Variants in TNNI3K observed in about 807,000 individuals in gnomAD.
TNNI3K encodes TNNI3 interacting kinase, also known as serine/threonine-protein kinase TNNI3K.
A neutral mutation model predicts 114.5 loss-of-function variants in TNNI3K; 140 were observed. The ratio of observed to expected loss-of-function variants is 1.22; its 90% CI spans 1.07 to 1.41. TNNI3K has a LOEUF of 1.41. Among genes scored for constraint, TNNI3K ranks in the 40% most tolerant of loss-of-function variants. TNNI3K has a pLI of 0.00. For missense variants in TNNI3K, 1,125 were observed against 1,007.6 expected (o/e 1.12, Z -1.58); for synonymous variants, 347 against 347.5 (o/e 1.00, Z 0.02).
At chr1:74,410,174 T>C (rs982958581) in intron 17 of TNNI3K, among the ~76,000 whole-genome samples, 1 of 152,206 alleles carries the variant, frequency 6.6e-6, no homozygotes, top group Non-Finnish European at 1.5e-5. Context: ...GGACCCAGGC[T>C]GTTAACCACA....
intron 17 of TNNI3K, among the ~76,000 whole-genome samples, chr1:74,379,924 A>G (rs1663112406): frequency 6.6e-6 from 1 of 152,106 alleles, no homozygotes; most frequent in Non-Finnish European, 1.5e-5. Context: ...ATTAGGTCTC[A>G]TTTAATTTTG....
chr1:74,391,794 GA>G (rs1424129730), intron 17 of TNNI3K, among the ~76,000 whole-genome samples: 1 of 152,040 alleles, frequency 6.6e-6, no homozygotes, highest in Non-Finnish European at 1.5e-5. Flanking sequence ...GAAGGCCTGA[GA>G]AAGGGAAAAA....
At chr1:74,453,333 T>C (rs1027368408) in intron 20 of TNNI3K, among the ~76,000 whole-genome samples, 3 of 152,190 alleles carry the variant, frequency 2.0e-5, no homozygotes, top group African/African-American at 7.2e-5. Flanking sequence ...AGTTGGACAG[T>C]TACCATGAAT....
intron 2 of TNNI3K, among the ~76,000 whole-genome samples, chr1:74,241,897 T>C (rs1255914569): frequency 6.6e-6 from 1 of 150,658 alleles, no homozygotes; most frequent in Non-Finnish European, 1.5e-5. Context: ...TCGCCCAGGC[T>C]GGAGTGCAGT....
chr1:74,323,329 C>T (rs185606139), intron 5 of TNNI3K, among the ~76,000 whole-genome samples: 4 of 152,160 alleles, frequency 2.6e-5, no homozygotes, highest in Non-Finnish European at 5.9e-5. Flanking sequence ...TTTTTCCTTA[C>T]AAGCTGTAAA....
At chr1:74,523,966 C>G (rs1023930910) in intron 23 of TNNI3K, among the ~76,000 whole-genome samples, 10 of 151,950 alleles carry the variant, frequency 6.6e-5, no homozygotes, top group African/African-American at 2.4e-4. Context: ...ATATTCCACT[C>G]CCTGTGCCCA....
chr1:74,376,707 TATGCCGTAGGGGTACAGGTG>T (rs1662922294), intron 17 of TNNI3K: 1 of 152,020 alleles, frequency 6.6e-6, no homozygotes, highest in Non-Finnish European at 1.5e-5. Context: ...GGGTCTATGC[TATGCCGTAGGGGTACAGGTG>T]AGAAGGACAG....
intron 20 of TNNI3K, among the ~76,000 whole-genome samples, 155 bp downstream of exon 20, chr1:74,439,777 C>G (rs1272337563): frequency 6.6e-6 from 1 of 151,836 alleles, no homozygotes; most frequent in Non-Finnish European, 1.5e-5. Flanking sequence ...GGTGTGTGCC[C>G]AACCCAGAAA....
intron 5 of TNNI3K, among the ~76,000 whole-genome samples, chr1:74,326,617 A>G (rs1659919155): frequency 6.6e-6 from 1 of 152,188 alleles, no homozygotes; most frequent in Non-Finnish European, 1.5e-5. Flanking sequence ...AAATTTTATG[A>G]AAGAGTGATT....
At chr1:74,430,337 TA>T (rs1292170558) in intron 17 of TNNI3K, among the ~76,000 whole-genome samples, 1 of 151,452 alleles carries the variant, frequency 6.6e-6, no homozygotes, top group East Asian at 1.9e-4. Context: ...TTCATTAAAT[TA>T]ATTCAATTCT....
chr1:74,469,834 A>G (rs1667837133), intron 21 of TNNI3K: 1 of 400,176 alleles, frequency 2.5e-6, no homozygotes, highest in Admixed American at 4.4e-5. Context: ...TCTTGAAGAA[A>G]GCTAAAGTAG....
At chr1:74,483,849 C>T (rs1668619513) in intron 21 of TNNI3K, among the ~76,000 whole-genome samples, 1 of 152,126 alleles carries the variant, frequency 6.6e-6, no homozygotes, top group South Asian at 2.1e-4. Context: ...CTGAGTCTTA[C>T]ATGATTACAA....
chr1:74,394,975 TG>T (rs1029102750), intron 17 of TNNI3K, among the ~76,000 whole-genome samples: 1 of 144,974 alleles, frequency 6.9e-6, no homozygotes, highest in African/African-American at 2.6e-5. Context: ...ACCCGGGAGG[TG>T]GAGCTTGCAG....
In TNNI3K at chr1:74,355,833, T is replaced by TAAGTAATAAG. The variant is rs371308877; in HGVS notation, c.1177+1705_1177+1714dup. ...AGACAAGTGAACAGACATAGAATAT[T>TAAGTAATAAG]AAGTAATAAGTTAGATATAGGCTTG... On this transcript the variant is annotated intron_variant, in intron 11 of 24. Coordinates refer to ENST00000326637, the MANE Select transcript of TNNI3K (RefSeq NM_015978.3). 5.9e-4 allele frequency among the ~76,000 whole-genome samples: 90 copies of TAAGTAATAAG among 152,244 alleles called. 2 individuals carry two copies. The highest frequency in any genetic ancestry group is 1.9e-3 in the African/African-American group (77 of 41,558).
At chr1:74,461,474 T>C (rs1333634667) in intron 20 of TNNI3K, among the ~76,000 whole-genome samples, 1 of 145,704 alleles carries the variant, frequency 6.9e-6, no homozygotes, top group African/African-American at 2.6e-5. Context: ...AGTGAGACTC[T>C]GTCTCGAGAA....
chr1:74,521,254 C>T (rs962599094), intron 23 of TNNI3K, among the ~76,000 whole-genome samples: 13 of 152,162 alleles, frequency 8.5e-5, no homozygotes, highest in Admixed American at 8.5e-4. Context: ...TCTGTGCGAT[C>T]TTGCCCAAGC....
At chr1:74,496,451 T>C (rs1032083004) in intron 23 of TNNI3K, among the ~76,000 whole-genome samples, 2 of 152,176 alleles carry the variant, frequency 1.3e-5, no homozygotes, top group African/African-American at 4.8e-5. Context: ...GTTTTTCCTA[T>C]AGTCCCTACT....
chr1:74,392,936 G>C (rs1301317588), intron 17 of TNNI3K, among the ~76,000 whole-genome samples: 2 of 152,136 alleles, frequency 1.3e-5, no homozygotes, highest in Non-Finnish European at 2.9e-5. Context: ...AGAGTTTCTG[G>C]GAACATTTTC....
At chr1:74,511,302 C>G (rs745933637) in intron 23 of TNNI3K, among the ~76,000 whole-genome samples, 5 of 152,026 alleles carry the variant, frequency 3.3e-5, no homozygotes, top group Non-Finnish European at 7.4e-5. Context: ...AAGCAATTCT[C>G]GTGCCTCAGG....
Sources: gnomAD v4.1 joint callset for allele counts (sites outside exome capture counted in the v4.1 genomes callset) on GRCh38, gnomAD v4.1.1 for gene constraint, MANE v1.5 for transcripts, NCBI Gene and HGNC (gene_info 2026-07-23, HGNC 2026-07-21) for gene names.